The following RCC2 variants were observed in gnomAD, a reference collection of about 807,000 sequenced individuals.
The protein encoded by RCC2 is protein RCC2.
In RCC2, 19 loss-of-function variants were observed where a neutral mutation model predicts 64.1. The ratio of observed to expected loss-of-function variants is 0.30; its 90% confidence interval spans 0.21 to 0.44. The LOEUF is 0.44. RCC2 is among the 20% of genes least tolerant of loss of function. The pLI, the probability that RCC2 is intolerant of heterozygous loss-of-function variation, is 1.00. For synonymous variants in RCC2, 325 were observed against 279.6 expected, an observed-to-expected ratio of 1.16 and a Z score of -1.62; for missense variants, 508 against 710.4, an observed-to-expected ratio of 0.72 and a Z score of 3.24.
chr1:17,426,788 A>C (rs1553157948), intron 3 of RCC2, among the ~76,000 whole-genome samples: 1 of 121,962 alleles, frequency 8.2e-6, no homozygotes, highest in Non-Finnish European at 1.7e-5. Flanking sequence ...TTTTTTTGAG[A>C]CAGTTTCACT....
At chr1:17,422,372 T>C (rs987316496) in intron 5 of RCC2, 81 bp from the exon 6 acceptor site, 7 of 1,298,838 alleles carry the variant, frequency 5.4e-6, no homozygotes, top group Non-Finnish European at 7.7e-6. Flanking sequence ...GGCATCAAAA[T>C]AATAAAAACA....
intron 1 of RCC2, among the ~76,000 whole-genome samples, chr1:17,438,866 C>T (rs948053636): frequency 6.6e-6 from 1 of 152,222 alleles, no homozygotes; most frequent in African/African-American, 2.4e-5. Flanking sequence ...AAACCAGCCT[C>T]CAGTCCCCTA....
chr1:17,431,142 C>T (rs1344431592), intron 2 of RCC2, among the ~76,000 whole-genome samples: 3 of 149,990 alleles, frequency 2.0e-5, no homozygotes, highest in Non-Finnish European at 3.0e-5. Context: ...ACCATCCTGG[C>T]TAGCACGGTG....
chr1:17,407,801 C>G lies in RCC2; in HGVS notation c.*1289G>C, dbSNP rs1258556597. On this transcript the variant is annotated 3_prime_UTR_variant, in exon 13 of 13. Coordinates refer to ENST00000375436, the MANE Select transcript of RCC2 (RefSeq NM_018715.4). ...CTAGTCCCATCTCCCCCATAAGCAC[C>G]ACTGAACTAAATATCTATTTTAAAG... The G allele has an allele frequency of 6.6e-6, 1 of 152,598 alleles. No homozygotes were observed. Among genetic ancestry groups the G allele is most frequent in the Non-Finnish European group, 1.5e-5 (1 of 68,032 alleles). 9.5% of individuals were successfully genotyped at this position (152,598 alleles called of 1,614,324 possible).
Position 17,429,131 on chromosome 1 carries a change from A to C in RCC2, c.354T>G (p.Gly118=), listed in dbSNP as rs755894325. The C allele has an allele frequency of 6.2e-6, 10 of 1,614,024 alleles. 1 individual carries two copies. In the South Asian group the frequency reaches 1.1e-4, roughly 18 times the overall value. ...CTTGCTGTTTAGGCACTTCTTTTCGACCAATCAAGTCCCAGTTGGTTGCCC... is the reference window on the plus strand; with the variant it reads ...CTTGCTGTTTAGGCACTTCTTTTCGCCCAATCAAGTCCCAGTTGGTTGCCC... The part of the protein sequence containing the change: ...IFGATNWDLI[G]RKEVPKQQAA... Residue 118 remains glycine, a synonymous_variant, in exon 3 of 13, where the codon GGT becomes GGG. Transcript: ENST00000375436.
At chr1:17,412,228 C>T (rs1470308115) in intron 10 of RCC2, 34 bp from the exon 11 acceptor site, 4 of 1,607,380 alleles carry the variant, frequency 2.5e-6, no homozygotes, top group Non-Finnish European at 3.4e-6. Context: ...GCAGGGCCAG[C>T]AGCCCCAGAC....
At chr1:17,438,690 C>G (rs1187420056) in intron 1 of RCC2, 168 bp from the exon 2 acceptor site, 1 of 575,154 alleles carries the variant, frequency 1.7e-6, no homozygotes, top group Non-Finnish European at 2.5e-6. Flanking sequence ...AATCGCGCCC[C>G]TCCCTGGCCC....
rs550467405 is a variant in RCC2 at position 17,411,539 on chromosome 1, C to T, written c.1386+583G>A. Among the ~76,000 whole-genome samples, 17 of 149,924 alleles carry T rather than the reference C, an allele frequency of 1.1e-4. No homozygotes were observed. In the South Asian group the frequency reaches 3.0e-3, roughly 26 times the overall value. ...CAGAGGGTGCAGTGAGCCAAGATCG[C>T]GCCACTGCACTCCAGCCTGGGTGAC... On this transcript the variant is annotated intron_variant, in intron 11 of 12. Transcript: ENST00000375436.
intron 2 of RCC2, 132 bp from the exon 3 acceptor site, chr1:17,429,331 GAAC>G: frequency 1.4e-6 from 1 of 697,608 alleles, no homozygotes; most frequent in South Asian, 1.7e-5. Flanking sequence ...ACCTCCACAC[GAAC>G]AGAGTCTCCC....
chr1:17,435,833 G>A (rs2075729875), intron 2 of RCC2, among the ~76,000 whole-genome samples: 4 of 150,868 alleles, frequency 2.7e-5, no homozygotes, highest in Admixed American at 1.3e-4. Context: ...CAGAAGAATT[G>A]CTTGAACCCG....
At chr1:17,415,839 T>C (rs1429985758) in intron 8 of RCC2, among the ~76,000 whole-genome samples, 3 of 150,296 alleles carry the variant, frequency 2.0e-5, no homozygotes, top group Admixed American at 6.6e-5. Flanking sequence ...GAGGCCGAGG[T>C]GGGCAGATCA....
rs900564594 is a variant in RCC2 at position 17,422,991 on chromosome 1, G to A, written c.524-155C>T. ...ACAGCCAAGATCCAGAGCAAAGAACGCCCCGGCCCTCTGCCCGCTGGAATG... is the reference window on the plus strand; with the variant it reads ...ACAGCCAAGATCCAGAGCAAAGAACACCCCGGCCCTCTGCCCGCTGGAATG... On this transcript the variant is annotated intron_variant, in intron 4 of 12. Transcript: ENST00000375436. Among the ~76,000 whole-genome samples the A allele has an allele frequency of 3.9e-5, 6 of 151,974 alleles. No individual in the cohort carries two copies. The South Asian group carries it at 8.3e-4, about 21-fold the overall frequency.
intron 8 of RCC2, among the ~76,000 whole-genome samples, chr1:17,415,386 C>T (rs2075471509): frequency 6.6e-6 from 1 of 152,168 alleles, no homozygotes; most frequent in African/African-American, 2.4e-5. Context: ...CATTCTCAGA[C>T]AGAAGAACCA....
At chr1:17,424,995 T>C (rs2075597465) in intron 4 of RCC2, among the ~76,000 whole-genome samples, 1 of 152,120 alleles carries the variant, frequency 6.6e-6, no homozygotes. Context: ...CTGAAGTATC[T>C]GGGGAAATAT....
chr1:17,416,599 A>T lies in RCC2; in HGVS notation c.907T>A (p.Tyr303Asn). The change falls in exon 8 of 13, where the codon TAC becomes AAC. Residue 303 changes from tyrosine to asparagine, a missense_variant. By Grantham distance (143) the Tyr-to-Asn change is moderately radical. Transcript: ENST00000375436. Reference protein sequence around the residue: ...KFIARAQRIEYDCELVPRRVA... With the variant: ...KFIARAQRIENDCELVPRRVA... ...CGCCGGGGAACTAGTTCACAGTCGT[A>T]CTCTATCCGCTGTGCCCGGGCGATG... The T allele has an allele frequency of 6.2e-7, 1 of 1,613,852 alleles. No homozygotes were observed. The highest frequency in any genetic ancestry group is 8.5e-7 in the Non-Finnish European group (1 of 1,180,010).
At position 17,413,593 on chromosome 1, in the gene RCC2, C is replaced by T. The variant is rs1344886182; in HGVS notation, c.1151G>A (p.Arg384His). 6.2e-6 allele frequency: 10 copies of T among 1,613,984 alleles called. No homozygotes were observed. The highest frequency in any genetic ancestry group is 2.2e-5 in the South Asian group (2 of 91,086). ...ACCAGCATAGATCTGGGAAGCCCCACGCCCAGGGAAGTCAAACAGCTTCAC... is the reference window on the plus strand; with the variant it reads ...ACCAGCATAGATCTGGGAAGCCCCATGCCCAGGGAAGTCAAACAGCTTCAC... ...RLVKLFDFPG[R>H]GASQIYAGYT... The change falls in exon 9 of 13, where the codon CGT (arginine) becomes CAT (histidine). Residue 384 changes from arginine (R) to histidine (H), a missense_variant. Around this residue, in one of 4 missense-constraint regions of RCC2, gnomAD observed 179 missense variants for 322.0 expected, o/e 0.56. Transcript: ENST00000375436.
chr1:17,422,371 A>C, intron 5 of RCC2, 80 bp from the exon 6 acceptor site: 1 of 1,340,346 alleles, frequency 7.5e-7, no homozygotes, highest in Admixed American at 1.8e-5. Context: ...AGGCATCAAA[A>C]TAATAAAAAC....
chr1:17,426,114 C>A (rs533327473), intron 3 of RCC2, among the ~76,000 whole-genome samples: 2 of 152,256 alleles, frequency 1.3e-5, no homozygotes, highest in Admixed American at 1.3e-4. Context: ...CCCAGGAAAC[C>A]CCGCTCACCC....
chr1:17,416,073 A>G (rs1314169942), intron 8 of RCC2, among the ~76,000 whole-genome samples: 2 of 41,298 alleles, frequency 4.8e-5, no homozygotes, highest in African/African-American at 1.9e-4. Context: ...GTCTCCAAAA[A>G]AAAAAGGGGG....
Sources: gnomAD v4.1 joint callset for allele counts (sites outside exome capture counted in the v4.1 genomes callset) on GRCh38, gnomAD v4.1.1 for gene constraint, gnomAD v4.1.1 regional missense constraint, MANE v1.5 for transcripts, NCBI Gene and HGNC (gene_info 2026-07-23, HGNC 2026-07-21) for gene names.